HEATR5A: variants seen among roughly 807,000 people sequenced by gnomAD.
HEATR5A encodes the protein HEAT repeat containing 5A, also known as HEAT repeat-containing protein 5A.
In HEATR5A, 178 loss-of-function variants were observed where a neutral mutation model predicts 218.8. The observed-to-expected ratio is 0.81, with a 90% CI of 0.72 to 0.92. HEATR5A has a LOEUF of 0.92. HEATR5A is among the 40% of genes least tolerant of loss of function. The pLI, the probability that HEATR5A is intolerant of heterozygous loss-of-function variation, is 0.00. For missense variants in HEATR5A, 2,420 were observed against 2,418.9 expected (o/e 1.00, Z -0.01); for synonymous variants, 864 against 871.6 (o/e 0.99, Z 0.15).
At chr14:31,412,017 G>A (rs1051669133) in intron 1 of HEATR5A, among the ~76,000 whole-genome samples, 2 of 151,696 alleles carry the variant, frequency 1.3e-5, no homozygotes, top group Non-Finnish European at 2.9e-5. Context: ...CACCATGCCC[G>A]GCTAATTTTT....
chr14:31,388,740 CA>C (rs1211686370), intron 7 of HEATR5A, 104 bp downstream of exon 7: 11 of 826,720 alleles, frequency 1.3e-5, no homozygotes, highest in Non-Finnish European at 2.0e-5. Context: ...GATATGAGAG[CA>C]TAAGTGTTGA....
At chr14:31,376,421 G>A (rs1902230084) in intron 11 of HEATR5A, among the ~76,000 whole-genome samples, 2 of 152,242 alleles carry the variant, frequency 1.3e-5, no homozygotes, top group African/African-American at 4.8e-5. Context: ...GCTGATGCAG[G>A]AGGATCATTT....
At chr14:31,405,477 C>G (rs952452621) in intron 1 of HEATR5A, among the ~76,000 whole-genome samples, 8 of 152,166 alleles carry the variant, frequency 5.3e-5, no homozygotes, top group Admixed American at 1.3e-4. Context: ...GCTAAACATT[C>G]ATTTTTACTG....
At chr14:31,343,740 C>T (rs1458814085) in intron 21 of HEATR5A, among the ~76,000 whole-genome samples, 156 bp downstream of exon 21, 1 of 152,012 alleles carries the variant, frequency 6.6e-6, no homozygotes, top group Non-Finnish European at 1.5e-5. Flanking sequence ...TGAAAGCTGC[C>T]CCCTACTCCC....
Position 31,343,954 on chromosome 14 carries a change from T to C in HEATR5A, c.3170A>G (p.Gln1057Arg), listed in dbSNP as rs375494310. The C allele has an allele frequency of 6.8e-5, 109 of 1,612,034 alleles. No individual in the cohort carries two copies. The highest frequency in any genetic ancestry group is 8.1e-5 in the Non-Finnish European group (95 of 1,179,086). ...VQAQAISCLQ[Q>R]LHMFAPRHVN... is the part of the protein sequence containing the mutation. The stretch of plus-strand genomic sequence containing the variant: ...ATGTCGTGGAGCAAACATATGAAGC[T>C]GCTGAAGGCAAGAGATGGCCTGAGC... Residue 1057 changes from glutamine (Q) to arginine (R), a missense_variant, in exon 21 of 36, where the codon CAG becomes CGG. Transcript: ENST00000543095.
chr14:31,398,596 T>G, intron 4 of HEATR5A, 77 bp downstream of exon 4: 1 of 728,446 alleles, frequency 1.4e-6, no homozygotes, highest in East Asian at 2.7e-5. Flanking sequence ...TATGTAAAGC[T>G]CTTTGATTTG....
chr14:31,387,230 C>A lies in HEATR5A; in HGVS notation c.1079G>T (p.Cys360Phe), dbSNP rs1163884693. The change falls in exon 8 of 36, where the codon TGT becomes TTT. Residue 360 changes from cysteine (C) to phenylalanine (F), a missense_variant. Physicochemically the swap from Cys to Phe is radical, Grantham distance 205. Transcript: ENST00000543095. The stretch of plus-strand genomic sequence containing the variant: ...AGTAGTTCGAAGAATAAATGAAACA[C>A]AACGGCGACAGCAGACGGCATCGAT... ...TQIDAVCCRR[C>F]VSFILRTTIG... 6.2e-7 allele frequency: 1 copy of A among 1,613,784 alleles called. No homozygotes were observed. Among genetic ancestry groups the A allele is most frequent in the Non-Finnish European group, 8.5e-7 (1 of 1,179,888 alleles).
intron 13 of HEATR5A, among the ~76,000 whole-genome samples, chr14:31,369,838 G>T (rs1479552367): frequency 6.6e-6 from 1 of 151,362 alleles, no homozygotes; most frequent in Non-Finnish European, 1.5e-5. Context: ...TGAGGCAGAA[G>T]AATCTCTTGA....
intron 13 of HEATR5A, among the ~76,000 whole-genome samples, chr14:31,367,971 T>A (rs1901867700): frequency 6.6e-6 from 1 of 152,076 alleles, no homozygotes; most frequent in Non-Finnish European, 1.5e-5. Context: ...CAGTTTGTTA[T>A]CCATATTTAA....
chr14:31,373,554 C>T (rs893476413), intron 12 of HEATR5A, among the ~76,000 whole-genome samples: 10 of 152,152 alleles, frequency 6.6e-5, no homozygotes, highest in African/African-American at 2.4e-4. Flanking sequence ...TGGTCTCAAA[C>T]TCCTGACCTC....
rs1303708994 is a variant in HEATR5A, at chr14:31,350,644, G to A, written c.2485C>T (p.His829Tyr). The change falls in exon 17 of 36, where the codon CAT becomes TAT. Residue 829 changes from histidine (H) to tyrosine (Y), a missense_variant. His to Tyr is a moderately conservative substitution (Grantham distance 83). Coordinates refer to ENST00000543095, the MANE Select transcript of HEATR5A (RefSeq NM_015473.4). ...KGARQQVVQL[H>Y]VVSSVSSFLK... is the part of the protein sequence containing the mutation. ...AAACTAGAAACTGAAGAAACAACAT[G>A]TAACTGAACCACTTGCTGACGAGCT... 2.5e-6 allele frequency: 4 copies of A among 1,598,924 alleles called. No individual in the cohort carries two copies. The East Asian group carries it at 6.7e-5, about 27-fold the overall frequency.
chr14:31,386,490 TA>T lies in HEATR5A; in HGVS notation c.1274del (p.Leu425TyrfsTer43). Reference protein sequence around the residue: ...AASQHMLVCALQELGNLIHNL... With the variant: ...AASQHMLVCAXQELGNLIHNL... The stretch of plus-strand genomic sequence containing the variant: ...TGTGTATGAGATTTCCAAGTTCTTG[TA>T]AAGCACAAACCAGCATATGTTGGCT... On this transcript the variant is annotated frameshift_variant, in exon 9 of 36. Transcript: ENST00000543095. LOFTEE classifies it high-confidence loss of function. 1 of 1,613,676 alleles carries T rather than the reference TA, an allele frequency of 6.2e-7. No individual in the cohort carries two copies. Among genetic ancestry groups the T allele is most frequent in the Non-Finnish European group, 8.5e-7 (1 of 1,179,780 alleles).
intron 14 of HEATR5A, 118 bp downstream of exon 14, chr14:31,364,071 C>G (rs1324766955): frequency 1.8e-6 from 1 of 543,672 alleles, no homozygotes; most frequent in Non-Finnish European, 3.3e-6. Flanking sequence ...CTCCTAGAAA[C>G]AAGGCACTAA....
chr14:31,359,287 A>AGAGT (rs1901535567), intron 14 of HEATR5A, among the ~76,000 whole-genome samples: 1 of 50,448 alleles, frequency 2.0e-5, no homozygotes, highest in African/African-American at 5.3e-5. Flanking sequence ...AAAGTGTAAG[A>AGAGT]GTGTGTGTGT....
chr14:31,315,248 T>A (rs1452742976), intron 27 of HEATR5A, among the ~76,000 whole-genome samples: 3 of 152,208 alleles, frequency 2.0e-5, no homozygotes, highest in Admixed American at 6.5e-5. Context: ...ATATGTAGAT[T>A]CATTATAAAT....
At chr14:31,345,394 T>C in intron 19 of HEATR5A, 118 bp from the exon 20 acceptor site, 5 of 737,772 alleles carry the variant, frequency 6.8e-6, no homozygotes, top group African/African-American at 1.8e-5. Context: ...TGAATGCTAC[T>C]ACTCATGTGG....
rs887928093 is a variant in HEATR5A at position 31,358,616 on chromosome 14, T to A, written c.2411+21A>T. The A allele has an allele frequency of 1.9e-6, 3 of 1,604,606 alleles. No homozygotes were observed. The African/African-American group carries it at 4.0e-5, about 22-fold the overall frequency. The stretch of plus-strand genomic sequence containing the variant: ...CACCAGTTCTCTATTATCCATTCAC[T>A]GAACCATTGAAGATATTTACCTTTG... On this transcript the variant is annotated intron_variant, in intron 16 of 35. Transcript: ENST00000543095.
intron 1 of HEATR5A, among the ~76,000 whole-genome samples, chr14:31,417,066 A>C (rs1164505331): frequency 6.6e-6 from 1 of 152,146 alleles, no homozygotes; most frequent in Admixed American, 6.5e-5. Context: ...ATAAAATAAA[A>C]ATAAACAAAT....
At chr14:31,319,309 C>A (rs934112537) in intron 25 of HEATR5A, among the ~76,000 whole-genome samples, 4 of 152,006 alleles carry the variant, frequency 2.6e-5, no homozygotes, top group Admixed American at 1.3e-4. Context: ...TCTGTCACCA[C>A]ATCTGGCTAA....
Sources: allele counts gnomAD v4.1 joint callset (sites outside exome capture counted in the v4.1 genomes callset), GRCh38; gene constraint gnomAD v4.1.1; transcripts MANE v1.5; gene names NCBI Gene and HGNC (gene_info 2026-07-23, HGNC 2026-07-21).